TCEA2: variants seen among roughly 807,000 people sequenced by gnomAD.
The protein encoded by TCEA2 is transcription elongation factor A protein 2.
A neutral mutation model predicts 40.8 loss-of-function variants in TCEA2; 21 were observed. That is an observed-to-expected ratio of 0.51 (90% CI 0.36 to 0.74). The LOEUF (loss-of-function observed/expected upper bound fraction) is 0.74. Among genes scored for constraint, TCEA2 ranks in the 30% least tolerant of loss-of-function variants. TCEA2 has a pLI of 0.00. For missense variants in TCEA2, 326 were observed against 426.5 expected, an observed-to-expected ratio of 0.76 and a Z score of 2.08; for synonymous variants, 165 against 162.7, an observed-to-expected ratio of 1.01 and a Z score of -0.11.
At position 64,071,741 on chromosome 20, in the gene TCEA2, C is replaced by T. The variant is rs962704285; in HGVS notation, c.820-129C>T. ...GCTCAGCTTTGGAAGGTTGGAGTCA[C>T]GAGGCGGCCTCGGATCAGGTCACCT... On this transcript the variant is annotated intron_variant, in intron 8 of 9. Coordinates refer to ENST00000343484, the MANE Select transcript of TCEA2 (RefSeq NM_003195.6). The T allele has an allele frequency of 4.6e-5, 49 of 1,056,986 alleles. 1 individual carries two copies. The highest frequency in any genetic ancestry group is 1.4e-4 in the African/African-American group (9 of 62,724). The allele number at this position is 1,056,986 out of a possible 1,614,324, so 65.5% of individuals were successfully genotyped here. A position where few individuals can be genotyped will look rare whatever the true frequency, so the allele number is the denominator to read the frequency against.
At chr20:64,067,945 G>T (rs2059734665) in intron 3 of TCEA2, 102 bp from the exon 4 acceptor site, 1 of 860,590 alleles carries the variant, frequency 1.2e-6, no homozygotes, top group African/African-American at 1.7e-5. Flanking sequence ...GCTGGGGCTG[G>T]GGCCGTGTTG....
At chr20:64,069,948 C>G (rs1318325991) in intron 6 of TCEA2, 127 bp downstream of exon 6, 2 of 1,220,050 alleles carry the variant, frequency 1.6e-6, no homozygotes, top group African/African-American at 1.5e-5. Context: ...CCTGGGTGGT[C>G]ACCTGCCTGG....
intron 3 of TCEA2, among the ~76,000 whole-genome samples, 170 bp from the exon 4 acceptor site, chr20:64,067,877 G>A (rs910014083): frequency 6.6e-6 from 1 of 152,194 alleles, no homozygotes; most frequent in African/African-American, 2.4e-5. Flanking sequence ...TGTTCACAGA[G>A]GCTGGGCAGC....
Position 64,071,922 on chromosome 20 carries a change from A to T in TCEA2, c.872A>T (p.Glu291Val). 1 of 1,614,128 alleles carries T rather than the reference A, an allele frequency of 6.2e-7. No homozygotes were observed. Among genetic ancestry groups the T allele is most frequent in the South Asian group, 1.1e-5 (1 of 91,084 alleles). Residue 291 changes from glutamate to valine, a missense_variant, in exon 9 of 10, where the codon GAG (glutamate) becomes GTG (valine). Coordinates refer to ENST00000343484, the MANE Select transcript of TCEA2 (RefSeq NM_003195.6). ...ATGACCACCTTTGTTGTCTGCAACGAGTGTGGAAACCGCTGGAAGGTGGGT... is the reference window on the plus strand; with the variant it reads ...ATGACCACCTTTGTTGTCTGCAACGTGTGTGGAAACCGCTGGAAGGTGGGT... ...EPMTTFVVCN[E>V]CGNRWKFC
upstream of TCEA2, among the ~76,000 whole-genome samples, chr20:64,060,917 G>C (rs1415391314): frequency 6.6e-6 from 1 of 151,748 alleles, no homozygotes; most frequent in African/African-American, 2.4e-5. Context: ...AGCCTCCTGA[G>C]TAGTTGGGAC....
chr20:64,058,148 G>A lies in TCEA2; in HGVS notation c.-84+497G>A, dbSNP rs2059498400. 6.6e-6 allele frequency among the ~76,000 whole-genome samples: 1 copy of A among 152,176 alleles called. No individual in the cohort carries two copies. Among genetic ancestry groups the A allele is most frequent in the Non-Finnish European group, 1.5e-5 (1 of 68,022 alleles). ...CATAGCGGAGTGGCTGCGGCCCGCAGGTCAGAGGCACCCGACCTCTTCTGC... is the reference window on the plus strand; with the variant it reads ...CATAGCGGAGTGGCTGCGGCCCGCAAGTCAGAGGCACCCGACCTCTTCTGC... On this transcript the variant is annotated intron_variant, in intron 1 of 10. Coordinates refer to the TCEA2 transcript ENST00000361317. The surrounding 1 kb of genome is among the most constrained non-coding windows in gnomAD (Gnocchi z 6.7).
At chr20:64,060,705 TTAATAA>T (rs1367756829), upstream of TCEA2, among the ~76,000 whole-genome samples, 2 of 152,260 alleles carry the variant, frequency 1.3e-5, no homozygotes, top group African/African-American at 4.8e-5. Flanking sequence ...TGTTCATCTA[TTAATAA>T]TAATAATAAT....
intron 8 of TCEA2, 60 bp from the exon 9 acceptor site, chr20:64,071,810 G>A (rs2059844878): frequency 6.3e-7 from 1 of 1,595,174 alleles, no homozygotes; most frequent in Admixed American, 1.7e-5. Context: ...CCATGTTGAG[G>A]GGATGCCGTC....
chr20:64,069,753 T>C lies in TCEA2; in HGVS notation c.461-12T>C. Reference sequence around the variant, plus strand: ...ACCAGTGGGGGAAGCTAGTCAGGGCTCCCTCTTGCAGATGACCACGTGGCC... The same window carrying C: ...ACCAGTGGGGGAAGCTAGTCAGGGCCCCCTCTTGCAGATGACCACGTGGCC... On this transcript the variant is annotated splice_polypyrimidine_tract_variant and intron_variant, in intron 5 of 9. Transcript: ENST00000343484. The C allele has an allele frequency of 6.8e-6, 11 of 1,607,434 alleles. No individual in the cohort carries two copies. The highest frequency in any genetic ancestry group is 8.5e-6 in the Non-Finnish European group (10 of 1,174,808).
intron 8 of TCEA2, 135 bp from the exon 9 acceptor site, chr20:64,071,735 G>C: frequency 1.0e-6 from 1 of 960,224 alleles, no homozygotes; most frequent in South Asian, 1.7e-5. Flanking sequence ...TGGAAGGTTG[G>C]AGTCACGAGG....
chr20:64,066,259 C>T, intron 1 of TCEA2: 1 of 518,678 alleles, frequency 1.9e-6, no homozygotes, highest in East Asian at 3.1e-5. Context: ...AGAACCCCTC[C>T]CCTTCTTGAC....
chr20:64,064,733 G>A (rs550256798), intron 1 of TCEA2, among the ~76,000 whole-genome samples: 4 of 152,256 alleles, frequency 2.6e-5, no homozygotes, highest in African/African-American at 9.6e-5. Flanking sequence ...GCCCTGGGAA[G>A]GGGTGGGCTC....
chr20:64,058,022 G>C lies in TCEA2; in HGVS notation c.-84+371G>C, dbSNP rs536735691. Among the ~76,000 whole-genome samples, 1 of 152,202 alleles carries C rather than the reference G, an allele frequency of 6.6e-6. No homozygotes were observed. Among genetic ancestry groups the C allele is most frequent in the Admixed American group, 6.5e-5 (1 of 15,290 alleles). On this transcript the variant is annotated intron_variant, in intron 1 of 10. Coordinates refer to the TCEA2 transcript ENST00000361317. This position sits in a 1 kb window ranked among gnomAD's most constrained non-coding sequence, Gnocchi z 6.7. ...TGCCCGGGGGCGGGACCATCCCACCGGATTGCAGGTTCCCTGATCACCAGG... is the reference window on the plus strand; with the variant it reads ...TGCCCGGGGGCGGGACCATCCCACCCGATTGCAGGTTCCCTGATCACCAGG...
Position 64,067,911 on chromosome 20 carries a change from C to T in TCEA2, c.242-136C>T, listed in dbSNP as rs950076300. 4.7e-6 allele frequency: 3 copies of T among 638,556 alleles called. No homozygotes were observed. The African/African-American group carries it at 5.7e-5, about 12-fold the overall frequency. The allele number at this position is 638,556 out of a possible 1,614,324, so 39.6% of individuals were successfully genotyped here. A position where few individuals can be genotyped will look rare whatever the true frequency, so the allele number is the denominator to read the frequency against. On this transcript the variant is annotated intron_variant, in intron 3 of 9. Transcript: ENST00000343484. ...GCCTCCTGGCCCCTGGCTCCCCTGG[C>T]TGGGTGAGGGGCTGGGGGCGGGGGC... is the stretch of plus-strand genomic sequence containing the variant.
At chr20:64,062,979 C>CG, upstream of TCEA2, 1 of 182,108 alleles carries the variant, frequency 5.5e-6, no homozygotes, top group East Asian at 1.5e-4. Context: ...GGGGCGTGCC[C>CG]GGGGCGCCTC....
rs762416151 is a variant in TCEA2 at position 64,072,160 on chromosome 20, CCT to C, written c.892-11_892-10del. On this transcript the variant is annotated splice_polypyrimidine_tract_variant and intron_variant, in intron 9 of 9. Transcript: ENST00000343484. ...GGCCACAAGGCTGGAGGCCTCACCC[CCT>C]TTCTCGCAGTTCTGCTGACCCCTCG... 3 of 1,613,616 alleles carry C rather than the reference CCT, an allele frequency of 1.9e-6. No homozygotes were observed. The highest frequency in any genetic ancestry group is 3.3e-5 in the Admixed American group (2 of 59,978).
In TCEA2 at chr20:64,068,119, A is replaced by G. The variant is rs998254022; in HGVS notation, c.314A>G (p.Glu105Gly). 7 of 1,608,586 alleles carry G rather than the reference A, an allele frequency of 4.4e-6. No individual in the cohort carries two copies. Among genetic ancestry groups the G allele is most frequent in the Non-Finnish European group, 5.1e-6 (6 of 1,178,030 alleles). Reference sequence around the variant, plus strand: ...CCCACGTCCTCGAGGGATGCCTCAGAGGCCCCGGATCCCAGGTAGCACACC... The same window carrying G: ...CCCACGTCCTCGAGGGATGCCTCAGGGGCCCCGGATCCCAGGTAGCACACC... ...PLPTSSRDAS[E>G]APDPSRKRPE... The change falls in exon 4 of 10, where the codon GAG becomes GGG. Residue 105 changes from glutamate (E) to glycine (G), a missense_variant. Glu to Gly is a moderately conservative substitution (Grantham distance 98). Coordinates refer to ENST00000343484, the MANE Select transcript of TCEA2 (RefSeq NM_003195.6).
intron 5 of TCEA2, 127 bp downstream of exon 5, chr20:64,069,618 T>G (rs1782733692): frequency 6.5e-7 from 1 of 1,533,354 alleles, no homozygotes; most frequent in African/African-American, 1.4e-5. Flanking sequence ...GCTGTGGCCC[T>G]GGCAGGGGCT....
intron 8 of TCEA2, 114 bp downstream of exon 8, chr20:64,070,749 C>A: frequency 7.1e-7 from 1 of 1,399,136 alleles, no homozygotes; most frequent in Non-Finnish European, 9.5e-7. Flanking sequence ...CCGAGCCTCT[C>A]AGTCCCTGAG....
Sources: allele counts gnomAD v4.1 joint callset (sites outside exome capture counted in the v4.1 genomes callset), GRCh38; gene constraint gnomAD v4.1.1; non-coding constraint Gnocchi (gnomAD v3.1); transcripts MANE v1.5; gene names NCBI Gene and HGNC (gene_info 2026-07-23, HGNC 2026-07-21).